The following TRMT2B variants were observed in gnomAD, a reference collection of about 807,000 sequenced individuals.
TRMT2B encodes tRNA methyltransferase 2B.
TRMT2B carries 34 observed loss-of-function variants against 39.7 expected under a neutral mutation model. The observed-to-expected ratio is 0.86, with a 90% CI of 0.65 to 1.14. The LOEUF is 1.14. Among genes scored for constraint, TRMT2B ranks in the 50% most tolerant of loss-of-function variants. The pLI, the probability that TRMT2B is intolerant of heterozygous loss-of-function variation, is 0.00. For synonymous variants in TRMT2B, 132 were observed against 137.3 expected (o/e 0.96, Z 0.27); for missense variants, 318 against 377.2 (o/e 0.84, Z 1.30).
chrX:101,003,988 G>A, the TRMT2B span, among the ~76,000 whole-genome samples: 1 of 108,984 alleles, frequency 9.2e-6, no homozygotes, highest in African/African-American at 3.4e-5. Flanking sequence ...GCACCACCAC[G>A]TCCAGCTAAT....
chrX:100,988,858 A>ATATATCT, the TRMT2B span, among the ~76,000 whole-genome samples: 4,958 of 89,608 alleles, frequency 0.055, 361 homozygotes, highest in African/African-American at 0.19. Context: ...TCTCATATAT[A>ATATATCT]TATATATATA....
chrX:100,984,591 C>T, the TRMT2B span, among the ~76,000 whole-genome samples: 2 of 112,434 alleles, frequency 1.8e-5, no homozygotes, highest in Non-Finnish European at 3.8e-5. Flanking sequence ...CAACTTCATA[C>T]CCTCATCTAC....
At chrX:100,997,585 G>A in the TRMT2B span, among the ~76,000 whole-genome samples, 1 of 111,867 alleles carries the variant, frequency 8.9e-6, no homozygotes, top group African/African-American at 3.3e-5. Flanking sequence ...GCTAGTAGGT[G>A]TTCTAAGCAA....
the TRMT2B span, chrX:100,987,371 C>G: frequency 7.5e-6 from 9 of 1,207,580 alleles, no homozygotes; most frequent in South Asian, 1.6e-4. Flanking sequence ...CTGCAGCCTT[C>G]TCTTCTCTTT....
chrX:101,036,690 A>T (rs1358634623), intron 6 of TRMT2B, among the ~76,000 whole-genome samples: 1 of 111,361 alleles, frequency 9.0e-6, no homozygotes, highest in Admixed American at 9.7e-5. Context: ...AACAATGATG[A>T]TGAGACAGCA....
chrX:100,973,855 T>A, the TRMT2B span: 1 of 865,824 alleles, frequency 1.2e-6, no homozygotes, highest in Non-Finnish European at 1.7e-6. Flanking sequence ...TTAGGTGAAG[T>A]GATTAAGCAG....
the TRMT2B span, among the ~76,000 whole-genome samples, chrX:100,989,033 A>G: frequency 9.1e-6 from 1 of 109,466 alleles, no homozygotes; most frequent in Admixed American, 9.9e-5. Flanking sequence ...AACATCCTAT[A>G]TGTCCAACAA....
At chrX:100,987,604 ATC>A in the TRMT2B span, 1 of 1,180,080 alleles carries the variant, frequency 8.5e-7, no homozygotes, top group South Asian at 1.9e-5. Flanking sequence ...AGCTGCAGGG[ATC>A]AGTCTTTCTC....
chrX:100,983,513 C>T, the TRMT2B span, among the ~76,000 whole-genome samples: 3 of 110,141 alleles, frequency 2.7e-5, no homozygotes, highest in Non-Finnish European at 3.8e-5. Flanking sequence ...CCCGCCACCA[C>T]GCCTGGCTAA....
In TRMT2B at chrX:101,037,967, C is replaced by T. The variant is rs1051085602; in HGVS notation, c.388G>A (p.Val130Ile). The T allele has an allele frequency of 1.7e-6, 2 of 1,209,684 alleles. No individual in the cohort carries two copies. Among genetic ancestry groups the T allele is most frequent in the Admixed American group, 2.2e-5 (1 of 45,821 alleles). Residue 130 changes from valine to isoleucine, a missense_variant, in exon 5 of 14, where the codon GTA (valine) becomes ATA (isoleucine). Physicochemically the swap from Val to Ile is conservative, Grantham distance 29. Coordinates refer to ENST00000372936, the MANE Select transcript of TRMT2B (RefSeq NM_024917.6). The part of the protein sequence containing the change: ...MLNGVSVTTA[V>I]PKSERLSCLL... The stretch of plus-strand genomic sequence containing the variant: ...CAAGAGAGCCTCTCAGATTTGGGTA[C>T]AGCCGTTGTCACACTGACTCCATTG...
the TRMT2B span, chrX:100,974,283 C>G: frequency 1.4e-6 from 1 of 704,707 alleles, no homozygotes. Flanking sequence ...CCTAGCATTA[C>G]TTCATGGCCC....
chrX:100,973,554 A>G, the TRMT2B span: 3 of 926,138 alleles, frequency 3.2e-6, no homozygotes, highest in East Asian at 3.3e-5. Flanking sequence ...GAATGAAGTA[A>G]TAGACTTCTA....
the TRMT2B span, among the ~76,000 whole-genome samples, chrX:100,991,617 G>A: frequency 9.0e-6 from 1 of 111,434 alleles, no homozygotes; most frequent in Non-Finnish European, 1.9e-5. Flanking sequence ...CTCGTGATCC[G>A]CCCGCCTCGG....
chrX:101,012,842 G>A (rs1324448944), intron 13 of TRMT2B, among the ~76,000 whole-genome samples: 10 of 108,062 alleles, frequency 9.3e-5, no homozygotes, highest in East Asian at 2.9e-4. Context: ...TTTTTGAGAC[G>A]GAGTCTCACT....
the TRMT2B span, among the ~76,000 whole-genome samples, chrX:100,978,145 G>T: frequency 8.9e-6 from 1 of 112,228 alleles, no homozygotes; most frequent in African/African-American, 3.2e-5. Context: ...CCACAGCCTT[G>T]CCAGAATGAT....
intron 7 of TRMT2B, among the ~76,000 whole-genome samples, chrX:101,030,058 G>GT (rs1432411879): frequency 4.5e-5 from 5 of 111,003 alleles, no homozygotes; most frequent in African/African-American, 1.3e-4. Flanking sequence ...TCAGGAGTTT[G>GT]AGACCAGCCT....
the TRMT2B span, among the ~76,000 whole-genome samples, chrX:100,977,143 A>G: frequency 9.0e-6 from 1 of 111,383 alleles, no homozygotes; most frequent in African/African-American, 3.3e-5. Context: ...TAAATGGGGT[A>G]TCCATCACCT....
chrX:101,049,019 T>C (rs2088874484), intron 2 of TRMT2B, among the ~76,000 whole-genome samples: 1 of 111,988 alleles, frequency 8.9e-6, no homozygotes, highest in Admixed American at 9.6e-5. Context: ...ATCTCCAACC[T>C]GCAAAACTGA....
chrX:100,975,787 C>A, the TRMT2B span, among the ~76,000 whole-genome samples: 1 of 110,165 alleles, frequency 9.1e-6, no homozygotes, highest in African/African-American at 3.3e-5. Context: ...TGTGCACCAC[C>A]ACGCCTGGCT....
Sources: allele counts gnomAD v4.1 joint callset (sites outside exome capture counted in the v4.1 genomes callset), GRCh38; gene constraint gnomAD v4.1.1; transcripts MANE v1.5; gene names NCBI Gene and HGNC (gene_info 2026-07-23, HGNC 2026-07-21).